The following CACNA2D3 variants were observed in gnomAD, a reference collection of about 807,000 sequenced individuals.
CACNA2D3 encodes calcium voltage-gated channel auxiliary subunit alpha2delta 3, also known as voltage-dependent calcium channel subunit alpha-2/delta-3.
In CACNA2D3, 60 loss-of-function variants were observed where a neutral mutation model predicts 160.6. The ratio of observed to expected loss-of-function variants is 0.37; its 90% CI spans 0.30 to 0.46. The LOEUF is 0.46. CACNA2D3 is among the 20% of genes least tolerant of loss of function. The probability of loss-of-function intolerance (pLI) is 1.00; values close to 1 mark genes in which losing one functional copy is unlikely to be tolerated. For missense variants in CACNA2D3, 1,205 were observed against 1,365.0 expected (o/e 0.88, Z 1.85); for synonymous variants, 558 against 492.9 (o/e 1.13, Z -1.75).
At chr3:54,836,327 C>T (rs1474676665) in intron 14 of CACNA2D3, among the ~76,000 whole-genome samples, 3 of 151,268 alleles carry the variant, frequency 2.0e-5, no homozygotes, top group Admixed American at 6.6e-5. Context: ...CTCCGTTTCC[C>T]GGGTTCACAC....
intron 27 of CACNA2D3, chr3:54,918,321 C>CTTTTTTTTTTT (rs60257399): frequency 6.3e-5 from 25 of 394,434 alleles, no homozygotes; most frequent in African/African-American, 5.6e-4. Flanking sequence ...ACAGACACAT[C>CTTTTTTTTTTT]TTTTTTTTTT....
chr3:54,360,135 C>T (rs978505040), intron 3 of CACNA2D3, among the ~76,000 whole-genome samples: 6 of 152,148 alleles, frequency 3.9e-5, no homozygotes, highest in Non-Finnish European at 7.4e-5. Flanking sequence ...CGCAGCCATA[C>T]CTTTTCTTTT....
chr3:54,501,627 C>A (rs922196939), intron 4 of CACNA2D3, among the ~76,000 whole-genome samples: 1 of 151,682 alleles, frequency 6.6e-6, no homozygotes, highest in Non-Finnish European at 1.5e-5. Context: ...ACCATGTTGC[C>A]TAGGGTGGTC....
chr3:54,703,843 G>T (rs1005605934), intron 11 of CACNA2D3, among the ~76,000 whole-genome samples: 1 of 152,180 alleles, frequency 6.6e-6, no homozygotes, highest in African/African-American at 2.4e-5. Flanking sequence ...GATGTAAGCA[G>T]AGATACTAAC....
intron 4 of CACNA2D3, among the ~76,000 whole-genome samples, chr3:54,423,012 A>G (rs13088989): frequency 0.016 from 2,474 of 152,306 alleles, 41 homozygotes; most frequent in Non-Finnish European, 0.023. Context: ...AATGGCTGGG[A>G]TGATGCCCAG....
intron 35 of CACNA2D3, among the ~76,000 whole-genome samples, chr3:55,037,881 T>C (rs962866030): frequency 6.6e-6 from 1 of 152,220 alleles, no homozygotes; most frequent in African/African-American, 2.4e-5. Flanking sequence ...TATTCATTTA[T>C]GCAGGTTTCT....
chr3:54,850,329 C>A (rs550268277), intron 17 of CACNA2D3, among the ~76,000 whole-genome samples: 1 of 152,106 alleles, frequency 6.6e-6, no homozygotes, highest in Non-Finnish European at 1.5e-5. Context: ...AACAACAGCA[C>A]GTAGCAAGAG....
intron 11 of CACNA2D3, among the ~76,000 whole-genome samples, chr3:54,750,623 C>T (rs1012535288): frequency 2.6e-5 from 4 of 152,096 alleles, no homozygotes; most frequent in African/African-American, 9.7e-5. Context: ...TGAAATGAAG[C>T]AAAACACTTA....
intron 4 of CACNA2D3, among the ~76,000 whole-genome samples, chr3:54,455,766 T>C (rs193008527): frequency 9.2e-5 from 14 of 152,170 alleles, no homozygotes; most frequent in Admixed American, 7.2e-4. Flanking sequence ...GTGAGAGATA[T>C]GGGTTTAGTT....
At chr3:54,635,102 A>G (rs1344284892) in intron 10 of CACNA2D3, among the ~76,000 whole-genome samples, 1 of 151,914 alleles carries the variant, frequency 6.6e-6, no homozygotes, top group African/African-American at 2.4e-5. Context: ...TTAAGCTGAA[A>G]GGAGATCTTA....
At chr3:54,626,661 A>G in intron 9 of CACNA2D3, 1 of 810,110 alleles carries the variant, frequency 1.2e-6, no homozygotes, top group Middle Eastern at 2.9e-4. Context: ...GGCTCAGCTA[A>G]TAAAGGCGCA....
intron 2 of CACNA2D3, among the ~76,000 whole-genome samples, chr3:54,187,652 G>A (rs1161666762): frequency 6.6e-6 from 1 of 152,180 alleles, no homozygotes; most frequent in Non-Finnish European, 1.5e-5. Context: ...GACCAGTGTT[G>A]TGGAAGACAA....
intron 2 of CACNA2D3, among the ~76,000 whole-genome samples, chr3:54,230,314 TA>T (rs1701747069): frequency 6.6e-6 from 1 of 152,196 alleles, no homozygotes; most frequent in Non-Finnish European, 1.5e-5. Flanking sequence ...TTAAGCTTCC[TA>T]AAGATGAAGA....
At chr3:54,786,808 A>T (rs1702650627) in intron 13 of CACNA2D3, among the ~76,000 whole-genome samples, 1 of 152,196 alleles carries the variant, frequency 6.6e-6, no homozygotes, top group Admixed American at 6.5e-5. Flanking sequence ...CTGGGAGCAC[A>T]TACGGTGACA....
intron 2 of CACNA2D3, chr3:54,197,417 C>G (rs1001035449): frequency 6.6e-6 from 1 of 152,206 alleles, no homozygotes. Flanking sequence ...TTCAAGTCCT[C>G]CTCTCCTTTC....
At chr3:54,346,683 C>T (rs113129440) in intron 3 of CACNA2D3, among the ~76,000 whole-genome samples, 1 of 152,068 alleles carries the variant, frequency 6.6e-6, no homozygotes, top group South Asian at 2.1e-4. Context: ...AATACTGATA[C>T]AATACTATTA....
chr3:54,491,604 G>C (rs934005650), intron 4 of CACNA2D3, among the ~76,000 whole-genome samples: 1 of 152,162 alleles, frequency 6.6e-6, no homozygotes, highest in African/African-American at 2.4e-5. Flanking sequence ...CTGAAAAGAG[G>C]GAACCAGAGC....
chr3:54,262,808 C>T (rs570891253), intron 2 of CACNA2D3, among the ~76,000 whole-genome samples: 5 of 152,302 alleles, frequency 3.3e-5, no homozygotes, highest in African/African-American at 1.2e-4. Context: ...TGGCGAGCCA[C>T]CTCCCAGTGC....
chr3:54,303,708 G>T (rs1047252158), intron 2 of CACNA2D3, among the ~76,000 whole-genome samples: 3 of 152,176 alleles, frequency 2.0e-5, no homozygotes, highest in African/African-American at 7.2e-5. Flanking sequence ...AACACTTAGG[G>T]GAGACATGGC....
Sources: allele counts gnomAD v4.1 joint callset (sites outside exome capture counted in the v4.1 genomes callset), GRCh38; gene constraint gnomAD v4.1.1; transcripts MANE v1.5; gene names NCBI Gene and HGNC (gene_info 2026-07-23, HGNC 2026-07-21).